The following SPRED2 variants were observed in gnomAD, a reference collection of about 807,000 sequenced individuals.
The protein encoded by SPRED2 is sprouty related EVH1 domain containing 2.
Under a neutral mutation model 43.0 loss-of-function variants are expected in SPRED2, and 47 were observed. The ratio of observed to expected loss-of-function variants is 1.09; its 90% CI spans 0.87 to 1.40. SPRED2 has a LOEUF of 1.40. Ranked by LOEUF, SPRED2 falls within the 40% of genes most tolerant of loss-of-function variation. SPRED2 has a pLI of 0.00. For synonymous variants in SPRED2, 225 were observed against 225.7 expected, an observed-to-expected ratio of 1.00 and a Z score of 0.03; for missense variants, 561 against 586.4, an observed-to-expected ratio of 0.96 and a Z score of 0.45.
chr2:65,417,534 A>G (rs1676315397), intron 1 of SPRED2, among the ~76,000 whole-genome samples: 1 of 152,198 alleles, frequency 6.6e-6, no homozygotes, highest in South Asian at 2.1e-4. Context: ...CATCTGTTCA[A>G]TGCTGGTGGT....
chr2:65,351,687 A>G (rs1674514735), intron 1 of SPRED2, among the ~76,000 whole-genome samples: 1 of 152,216 alleles, frequency 6.6e-6, no homozygotes, highest in South Asian at 2.1e-4. Flanking sequence ...TTAAAATATT[A>G]TATATGTGTG....
rs142189170 is a variant in SPRED2, at chr2:65,326,397, A to G, written c.438+5590T>C. ...CAGGAAGTCGTCTGCCATTTTGTCA[A>G]CAGGTCTTTGGGAACAGGTAGCTCC... On this transcript the variant is annotated intron_variant, in intron 4 of 5. Coordinates refer to ENST00000356388, the MANE Select transcript of SPRED2 (RefSeq NM_181784.3). Among the ~76,000 whole-genome samples, 613 of 152,268 alleles carry G rather than the reference A, an allele frequency of 4.0e-3. 7 individuals are homozygous for G. Among genetic ancestry groups the G allele is most frequent in the African/African-American group, 0.014 (587 of 41,546 alleles).
At chr2:65,379,870 T>C (rs1478011247) in intron 1 of SPRED2, among the ~76,000 whole-genome samples, 1 of 152,186 alleles carries the variant, frequency 6.6e-6, no homozygotes, top group Non-Finnish European at 1.5e-5. Context: ...TCCTCCTAGA[T>C]GAACCTATTA....
chr2:65,315,011 G>A (rs985734203), intron 5 of SPRED2, among the ~76,000 whole-genome samples: 8 of 151,968 alleles, frequency 5.3e-5, no homozygotes, highest in Non-Finnish European at 1.0e-4. Flanking sequence ...TCTCCCTCAG[G>A]GTGGAAGAGG....
chr2:65,334,639 C>G lies in SPRED2; in HGVS notation c.339G>C (p.Arg113Ser). 1 of 1,614,246 alleles carries G rather than the reference C, an allele frequency of 6.2e-7. No individual in the cohort carries two copies. The highest frequency in any genetic ancestry group is 8.5e-7 in the Non-Finnish European group (1 of 1,180,046). Residue 113 changes from arginine (R) to serine (S), a missense_variant, in exon 3 of 6, where the codon AGG becomes AGC. Arg to Ser is a moderately radical substitution (Grantham distance 110). Around this residue, in one of 6 missense-constraint regions of SPRED2, gnomAD observed 305 missense variants for 282.4 expected, o/e 1.08. Transcript: ENST00000356388. ...GGTCTTCGATTGCTTTCCTTACTCC[C>G]CTGTCAAAGGCTCGGGCATCAGCAG... ...QSPADARAFDRGVRKAIEDLI... is the reference protein window; with the variant it reads ...QSPADARAFDSGVRKAIEDLI...
Position 65,431,960 on chromosome 2 carries a change from A to C in SPRED2, c.26+2T>G, listed in dbSNP as rs375679328. On this transcript the variant is annotated splice_donor_variant, in intron 1 of 5. Transcript: ENST00000356388. LOFTEE classifies it high-confidence loss of function. ...CTCGTCCCACCCCGCGACCAAACTT[A>C]CTCGTCTGGGTGTGTTTCTTCGGTC... The C allele has an allele frequency of 3.7e-6, 6 of 1,613,198 alleles. No individual in the cohort carries two copies. The highest frequency in any genetic ancestry group is 2.7e-5 in the African/African-American group (2 of 74,672).
At chr2:65,411,983 C>T (rs1558689535) in intron 1 of SPRED2, among the ~76,000 whole-genome samples, 1 of 151,940 alleles carries the variant, frequency 6.6e-6, no homozygotes, top group Non-Finnish European at 1.5e-5. Flanking sequence ...AAAAAATTAG[C>T]CGGGTGTGGT....
At position 65,312,761 on chromosome 2, in the gene SPRED2, T is replaced by G. The variant is rs1239187799; in HGVS notation, c.*740A>C. ...AGGAATTTTCCTGATTCTCACAAGT[T>G]AATCTGAAGTTAAGGCTCAATTCTC... On this transcript the variant is annotated 3_prime_UTR_variant, in exon 6 of 6. Transcript: ENST00000356388. 2 of 985,762 alleles carry G rather than the reference T, an allele frequency of 2.0e-6. No homozygotes were observed. The highest frequency in any genetic ancestry group is 2.4e-6 in the Non-Finnish European group (2 of 829,942). The allele number at this position is 985,762 out of a possible 1,614,324, so 61.1% of individuals were successfully genotyped here.
chr2:65,381,161 T>G (rs1489521187), intron 1 of SPRED2, among the ~76,000 whole-genome samples: 3 of 152,202 alleles, frequency 2.0e-5, no homozygotes, highest in African/African-American at 7.2e-5. Context: ...CCTCACCAAG[T>G]TAGCCCAGCA....
Position 65,312,267 on chromosome 2 carries a change from G to A in SPRED2, c.*1234C>T. On this transcript the variant is annotated 3_prime_UTR_variant, in exon 6 of 6. Coordinates refer to ENST00000356388, the MANE Select transcript of SPRED2 (RefSeq NM_181784.3). ...GGAGTTGCAGGAGAAAGACACTTAGGCATTGGAAGGGTTTTTACATATGGC... is the reference window on the plus strand; with the variant it reads ...GGAGTTGCAGGAGAAAGACACTTAGACATTGGAAGGGTTTTTACATATGGC... 1 of 985,572 alleles carries A rather than the reference G, an allele frequency of 1.0e-6. No homozygotes were observed. The highest frequency in any genetic ancestry group is 1.2e-6 in the Non-Finnish European group (1 of 829,934). 61.1% of individuals were successfully genotyped at this position (985,572 alleles called of 1,614,324 possible).
chr2:65,339,285 G>A (rs570637951), intron 2 of SPRED2, among the ~76,000 whole-genome samples: 3 of 152,000 alleles, frequency 2.0e-5, no homozygotes, highest in South Asian at 2.1e-4. Flanking sequence ...GAATGGAAGG[G>A]GGGGCAGGGT....
chr2:65,354,880 A>T (rs1377346346), intron 1 of SPRED2, among the ~76,000 whole-genome samples: 1 of 152,194 alleles, frequency 6.6e-6, no homozygotes, highest in Non-Finnish European at 1.5e-5. Context: ...AATGTCTAAG[A>T]CAGATTTTTA....
At chr2:65,370,931 T>C (rs546326451) in intron 1 of SPRED2, among the ~76,000 whole-genome samples, 1 of 152,114 alleles carries the variant, frequency 6.6e-6, no homozygotes, top group East Asian at 1.9e-4. Flanking sequence ...TCCCCAGAGG[T>C]TGAAGCAAGA....
chr2:65,325,312 C>A (rs1371935196), intron 4 of SPRED2, among the ~76,000 whole-genome samples: 1 of 152,128 alleles, frequency 6.6e-6, no homozygotes, highest in Admixed American at 6.5e-5. Context: ...AGTGGGCCTA[C>A]GTGTTTTGAA....
intron 1 of SPRED2, among the ~76,000 whole-genome samples, chr2:65,348,697 G>A (rs559633586): frequency 4.6e-5 from 7 of 151,754 alleles, no homozygotes; most frequent in East Asian, 2.0e-4. Context: ...CCAGTTACTC[G>A]GGAGGATGAG....
chr2:65,329,835 T>C (rs1191389506), intron 4 of SPRED2, among the ~76,000 whole-genome samples: 1 of 152,176 alleles, frequency 6.6e-6, no homozygotes, highest in South Asian at 2.1e-4. Flanking sequence ...CGGAGCACTA[T>C]AGGAAGTCTG....
Position 65,408,743 on chromosome 2 carries a change from G to A in SPRED2, c.26+23219C>T, listed in dbSNP as rs570625995. Among the ~76,000 whole-genome samples the A allele has an allele frequency of 4.3e-3, 647 of 152,192 alleles. 4 individuals carry two copies. The highest frequency in any genetic ancestry group is 6.9e-3 in the Non-Finnish European group (471 of 67,996). ...CAATAGTCACGTGCCACCACACCCA[G>A]CTAATTTTTGTATTTTTAGTAGAGA... On this transcript the variant is annotated intron_variant, in intron 1 of 5. Transcript: ENST00000356388.
chr2:65,360,067 A>AG (rs1674760198), intron 1 of SPRED2, among the ~76,000 whole-genome samples: 1 of 120,916 alleles, frequency 8.3e-6, no homozygotes, highest in South Asian at 3.4e-4. Flanking sequence ...TCCATCTCAA[A>AG]AAAAAAAAAA....
chr2:65,325,134 C>T (rs1308813911), intron 4 of SPRED2, among the ~76,000 whole-genome samples: 1 of 152,182 alleles, frequency 6.6e-6, no homozygotes. Context: ...TAATTTCTTC[C>T]TTCTTCTTAG....
Sources: gnomAD v4.1 joint callset for allele counts (sites outside exome capture counted in the v4.1 genomes callset) on GRCh38, gnomAD v4.1.1 for gene constraint, gnomAD v4.1.1 regional missense constraint, MANE v1.5 for transcripts, NCBI Gene and HGNC (gene_info 2026-07-23, HGNC 2026-07-21) for gene names.